The following NTM variants were observed in gnomAD, a reference collection of about 807,000 sequenced individuals.
The protein encoded by NTM is neurotrimin, also known as IgLON family member 2.
NTM carries 13 observed loss-of-function variants against 42.1 expected under a neutral mutation model. The observed-to-expected ratio is 0.31, with a 90% CI of 0.20 to 0.49. The LOEUF (loss-of-function observed/expected upper bound fraction) is 0.49. Ranked by LOEUF, NTM falls within the 20% of genes least tolerant of loss-of-function variation. The pLI is 0.99. For missense variants in NTM, 373 were observed against 452.8 expected (o/e 0.82, Z 1.60); for synonymous variants, 187 against 179.2 (o/e 1.04, Z -0.35).
intron 4 of NTM, among the ~76,000 whole-genome samples, chr11:132,214,016 G>C (rs997440883): frequency 3.3e-5 from 2 of 61,360 alleles, no homozygotes; most frequent in East Asian, 4.5e-4. Flanking sequence ...TTACAGGCGT[G>C]AGCCACCGCG....
At chr11:131,441,970 AGATTGAATCATTATTTAGGT>A (rs1337393019) in intron 1 of NTM, among the ~76,000 whole-genome samples, 3 of 152,198 alleles carry the variant, frequency 2.0e-5, no homozygotes, top group African/African-American at 7.2e-5. Context: ...CATCAACAAG[AGATTGAATCATTATTTAGGT>A]GATTGATTAG....
intron 1 of NTM, among the ~76,000 whole-genome samples, chr11:131,396,537 G>A (rs796239255): frequency 9.2e-5 from 14 of 152,168 alleles, no homozygotes; most frequent in African/African-American, 3.1e-4. Context: ...ATTAAGAATG[G>A]GTAACACATG....
intron 2 of NTM, among the ~76,000 whole-genome samples, chr11:131,955,809 C>G (rs2061499292): frequency 2.0e-5 from 3 of 152,024 alleles, no homozygotes; most frequent in South Asian, 2.1e-4. Context: ...TCCAAAATTG[C>G]CTTCTCCTAA....
intron 1 of NTM, among the ~76,000 whole-genome samples, chr11:131,799,501 G>T (rs1259230408): frequency 6.6e-6 from 1 of 152,148 alleles, no homozygotes. Context: ...TCATGAAGAG[G>T]TCTGGGTTGG....
intron 2 of NTM, among the ~76,000 whole-genome samples, chr11:132,107,714 T>C (rs989875705): frequency 2.6e-5 from 4 of 152,130 alleles, no homozygotes; most frequent in African/African-American, 7.2e-5. Context: ...TGTGCAGCAA[T>C]GTATCATGGG....
intron 1 of NTM, among the ~76,000 whole-genome samples, chr11:131,789,548 A>G (rs867841803): frequency 3.5e-4 from 1 of 2,876 alleles, no homozygotes; most frequent in Admixed American, 4.9e-3. Context: ...AGAAGAAGAA[A>G]AGAAGAAGAA....
chr11:131,813,333 T>C (rs1413685307), intron 1 of NTM, among the ~76,000 whole-genome samples: 1 of 152,180 alleles, frequency 6.6e-6, no homozygotes, highest in Non-Finnish European at 1.5e-5. Flanking sequence ...AGTAAGAACC[T>C]ACTAAGTTCA....
chr11:132,041,196 T>G (rs201932187), intron 2 of NTM, among the ~76,000 whole-genome samples: 9 of 136,090 alleles, frequency 6.6e-5, no homozygotes, highest in East Asian at 4.9e-4. Flanking sequence ...TGTTTGTGTG[T>G]GGGTGTGTGT....
intron 1 of NTM, among the ~76,000 whole-genome samples, chr11:131,595,922 A>G (rs2059775517): frequency 6.6e-6 from 1 of 152,252 alleles, no homozygotes; most frequent in African/African-American, 2.4e-5. Flanking sequence ...TCAACAGGAC[A>G]TAAAATACGG....
chr11:131,584,468 G>A (rs541392624), intron 1 of NTM, among the ~76,000 whole-genome samples: 1 of 152,290 alleles, frequency 6.6e-6, no homozygotes, highest in African/African-American at 2.4e-5. Flanking sequence ...TGTGGGAAGT[G>A]AGAATTTTAA....
intron 1 of NTM, among the ~76,000 whole-genome samples, chr11:131,528,616 C>T (rs2050819872): frequency 6.6e-6 from 1 of 152,206 alleles, no homozygotes. Context: ...GGCATGGATT[C>T]TGTTTCCAGT....
At chr11:131,740,377 C>T (rs141788210) in intron 1 of NTM, among the ~76,000 whole-genome samples, 1 of 152,272 alleles carries the variant, frequency 6.6e-6, no homozygotes, top group Non-Finnish European at 1.5e-5. Context: ...AATGAACGCT[C>T]AACAAATAGT....
At chr11:132,095,735 G>C (rs2060897111) in intron 2 of NTM, among the ~76,000 whole-genome samples, 1 of 152,186 alleles carries the variant, frequency 6.6e-6, no homozygotes, top group Non-Finnish European at 1.5e-5. Context: ...CTTTCCACCA[G>C]CTGTGTATCA....
chr11:131,511,356 C>G (rs1050546923), intron 1 of NTM, among the ~76,000 whole-genome samples: 1 of 152,188 alleles, frequency 6.6e-6, no homozygotes, highest in Non-Finnish European at 1.5e-5. Context: ...AGTGCCATGC[C>G]CTAATTGAAT....
chr11:132,134,582 C>CT (rs1300972695), intron 2 of NTM, among the ~76,000 whole-genome samples: 2 of 150,432 alleles, frequency 1.3e-5, no homozygotes, highest in Non-Finnish European at 3.0e-5. Flanking sequence ...ATATATATGA[C>CT]TCATATGACA....
chr11:131,960,460 T>C (rs1056940170), intron 2 of NTM, among the ~76,000 whole-genome samples: 1 of 152,204 alleles, frequency 6.6e-6, no homozygotes, highest in Non-Finnish European at 1.5e-5. Context: ...TCAGTGACTC[T>C]AGGAAGGGAA....
At chr11:131,787,354 G>GATTATTATTATTATTATT (rs149079341) in intron 1 of NTM, among the ~76,000 whole-genome samples, 9,083 of 144,350 alleles carry the variant, frequency 0.063, 337 homozygotes, top group Non-Finnish European at 0.076. Context: ...CATAATACAA[G>GATTATTATTATTATTATT]ATTATTATTA....
chr11:131,732,691 C>T (rs2079848504), intron 1 of NTM, among the ~76,000 whole-genome samples: 1 of 152,174 alleles, frequency 6.6e-6, no homozygotes, highest in Admixed American at 6.5e-5. Flanking sequence ...AACAACAATG[C>T]ACCGGGCTTG....
intron 4 of NTM, among the ~76,000 whole-genome samples, chr11:132,213,065 A>G (rs1374861808): frequency 6.6e-6 from 1 of 152,176 alleles, no homozygotes; most frequent in Non-Finnish European, 1.5e-5. Flanking sequence ...GGGCTCTGAA[A>G]AGAAGATATT....
Sources: gnomAD v4.1 joint callset for allele counts (sites outside exome capture counted in the v4.1 genomes callset) on GRCh38, gnomAD v4.1.1 for gene constraint, MANE v1.5 for transcripts, NCBI Gene and HGNC (gene_info 2026-07-23, HGNC 2026-07-21) for gene names.